Variants in MAP2K5 observed in about 807,000 individuals in gnomAD.
MAP2K5 encodes the protein dual specificity mitogen-activated protein kinase kinase 5.
In MAP2K5, 49 loss-of-function variants were observed where a neutral mutation model predicts 83.1. That is an observed-to-expected ratio of 0.59 (90% CI 0.47 to 0.75). The LOEUF is 0.75. MAP2K5 is among the 30% of genes least tolerant of loss of function. The probability of loss-of-function intolerance (pLI) is 0.00; values close to 1 mark genes in which losing one functional copy is unlikely to be tolerated. For synonymous variants in MAP2K5, 202 were observed against 191.8 expected (o/e 1.05, Z -0.44); for missense variants, 457 against 557.5 (o/e 0.82, Z 1.82).
At chr15:67,787,579 C>T (rs1458649114) in intron 21 of MAP2K5, among the ~76,000 whole-genome samples, 1 of 152,202 alleles carries the variant, frequency 6.6e-6, no homozygotes, top group Non-Finnish European at 1.5e-5. Flanking sequence ...TTTTAATTTT[C>T]AAGCTTATTA....
At chr15:67,582,846 A>G (rs546209679) in intron 4 of MAP2K5, among the ~76,000 whole-genome samples, 22 of 151,902 alleles carry the variant, frequency 1.4e-4, no homozygotes, top group East Asian at 9.7e-4. Context: ...ACACACACAC[A>G]CACACACACT....
rs1346326045 is a variant in MAP2K5, at chr15:67,690,209, G to T, written c.848-2270G>T. ...AACTGAGGGCCCATGATAAGAACTAGATTTGAAAAATAAGACCAAACTATG... is the reference window on the plus strand; with the variant it reads ...AACTGAGGGCCCATGATAAGAACTATATTTGAAAAATAAGACCAAACTATG... On this transcript the variant is annotated intron_variant, in intron 13 of 21. Transcript: ENST00000178640. This position sits in a 1 kb window ranked among gnomAD's most constrained non-coding sequence, Gnocchi z 4.3. Among the ~76,000 whole-genome samples, 1 of 152,178 alleles carries T rather than the reference G, an allele frequency of 6.6e-6. No individual in the cohort carries two copies. Among genetic ancestry groups the T allele is most frequent in the Admixed American group, 6.5e-5 (1 of 15,280 alleles).
rs1167184444 is a variant in MAP2K5, at chr15:67,778,244, A to G, written c.1242+5492A>G. On this transcript the variant is annotated intron_variant, in intron 21 of 21. Transcript: ENST00000178640. The surrounding 1 kb of genome is among the most constrained non-coding windows in gnomAD (Gnocchi z 5.0). ...TTCTGCTTTTCCAAACCTGATTGTA[A>G]TTACATTTTCAGATAGTATGGTTGG... 6.6e-6 allele frequency among the ~76,000 whole-genome samples: 1 copy of G among 152,220 alleles called. No homozygotes were observed. The highest frequency in any genetic ancestry group is 1.5e-5 in the Non-Finnish European group (1 of 68,030).
chr15:67,614,612 G>A (rs2141052078), intron 8 of MAP2K5, among the ~76,000 whole-genome samples: 1 of 152,232 alleles, frequency 6.6e-6, no homozygotes, highest in South Asian at 2.1e-4. Context: ...AGATCAGAAT[G>A]ACTGTAGTTT....
intron 13 of MAP2K5, chr15:67,680,043 TC>T (rs2141182490): frequency 6.6e-6 from 1 of 152,368 alleles, no homozygotes; most frequent in South Asian, 2.1e-4. Context: ...ATTTGCCTTT[TC>T]TGGACATTTT....
chr15:67,715,236 AG>A (rs3837736), intron 16 of MAP2K5, among the ~76,000 whole-genome samples: 20,682 of 131,784 alleles, frequency 0.16, 1,554 homozygotes, highest in East Asian at 0.2. Context: ...TTGGGCGGGG[AG>A]GGGGGGGGTC....
intron 1 of MAP2K5, among the ~76,000 whole-genome samples, chr15:67,547,677 G>C (rs1263471227): frequency 6.6e-6 from 1 of 152,046 alleles, no homozygotes; most frequent in Non-Finnish European, 1.5e-5. Flanking sequence ...GGCTGGTCTT[G>C]AACTCCTGAC....
chr15:67,772,334 C>T (rs1381916743), intron 20 of MAP2K5, among the ~76,000 whole-genome samples: 1 of 152,134 alleles, frequency 6.6e-6, no homozygotes, highest in African/African-American at 2.4e-5. Flanking sequence ...GGTATATTCT[C>T]TAAATATAAG....
At position 67,636,790 on chromosome 15, in the gene MAP2K5, C is replaced by T. The variant is rs188452955; in HGVS notation, c.585+5863C>T. Among the ~76,000 whole-genome samples the T allele has an allele frequency of 4.3e-3, 647 of 152,080 alleles. 4 individuals are homozygous for T. The highest frequency in any genetic ancestry group is 4.3e-3 in the Non-Finnish European group (292 of 67,992). Reference sequence around the variant, plus strand: ...GGTTGAAGGATGCAAAGTATTGTTTCGGGGTGTGTCTGTGAAGGTGTTAAT... The same window carrying T: ...GGTTGAAGGATGCAAAGTATTGTTTTGGGGTGTGTCTGTGAAGGTGTTAAT... On this transcript the variant is annotated intron_variant, in intron 9 of 21. Transcript: ENST00000178640. This position sits in a 1 kb window ranked among gnomAD's most constrained non-coding sequence, Gnocchi z 4.7.
chr15:67,558,084 A>T (rs1456351289), intron 2 of MAP2K5, among the ~76,000 whole-genome samples: 1 of 152,202 alleles, frequency 6.6e-6, no homozygotes, highest in Admixed American at 6.5e-5. Flanking sequence ...TTATGAGAGT[A>T]GTCATTTCTT....
At chr15:67,789,317 G>A (rs568508515) in intron 21 of MAP2K5, among the ~76,000 whole-genome samples, 1 of 152,164 alleles carries the variant, frequency 6.6e-6, no homozygotes, top group Admixed American at 6.5e-5. Flanking sequence ...GTGTCTCTAT[G>A]TATACATCTT....
At chr15:67,571,704 CATTT>C (rs2084950032) in intron 3 of MAP2K5, among the ~76,000 whole-genome samples, 4 of 152,100 alleles carry the variant, frequency 2.6e-5, no homozygotes, top group Admixed American at 1.3e-4. Flanking sequence ...GTTTTTTCCC[CATTT>C]TTACAGCAGA....
intron 12 of MAP2K5, among the ~76,000 whole-genome samples, chr15:67,663,933 A>G (rs1000597226): frequency 1.3e-5 from 2 of 152,184 alleles, no homozygotes; most frequent in East Asian, 3.9e-4. Flanking sequence ...TTTTACACAC[A>G]GAAGTATAGA....
At chr15:67,575,570 G>A (rs1203914554) in intron 3 of MAP2K5, among the ~76,000 whole-genome samples, 1 of 152,232 alleles carries the variant, frequency 6.6e-6, no homozygotes, top group Admixed American at 6.5e-5. Context: ...TACCTATTTA[G>A]GTAAATGTTT....
intron 20 of MAP2K5, among the ~76,000 whole-genome samples, chr15:67,771,935 C>G (rs892062421): frequency 6.6e-6 from 1 of 152,216 alleles, no homozygotes; most frequent in Non-Finnish European, 1.5e-5. Context: ...ATACAGCCAT[C>G]AAGTAGGCAG....
intron 17 of MAP2K5, among the ~76,000 whole-genome samples, chr15:67,743,309 T>A (rs1008917018): frequency 6.6e-6 from 1 of 152,170 alleles, no homozygotes; most frequent in Non-Finnish European, 1.5e-5. Context: ...TCCTGTGACT[T>A]TTTTAGGTCC....
rs2088935059 is a variant in MAP2K5 at position 67,720,577 on chromosome 15, G to T, written c.1045-7339G>T. Among the ~76,000 whole-genome samples the T allele has an allele frequency of 6.6e-6, 1 of 152,252 alleles. No individual in the cohort carries two copies. The highest frequency in any genetic ancestry group is 2.1e-4 in the South Asian group (1 of 4,820). Reference sequence around the variant, plus strand: ...AGTGTCCAGCTGTAGCAGTAGTTTGGTAGCAGGAGAATTAGACGTAAAGGT... The same window carrying T: ...AGTGTCCAGCTGTAGCAGTAGTTTGTTAGCAGGAGAATTAGACGTAAAGGT... On this transcript the variant is annotated intron_variant, in intron 16 of 21. Coordinates refer to ENST00000178640, the MANE Select transcript of MAP2K5 (RefSeq NM_145160.3). The surrounding 1 kb of genome is among the most constrained non-coding windows in gnomAD (Gnocchi z 5.7).
rs1237924274 is a variant in MAP2K5 at position 67,690,211 on chromosome 15, T to C, written c.848-2268T>C. ...CTGAGGGCCCATGATAAGAACTAGA[T>C]TTGAAAAATAAGACCAAACTATGTA... is the stretch of plus-strand genomic sequence containing the variant. On this transcript the variant is annotated intron_variant, in intron 13 of 21. Transcript: ENST00000178640. This position sits in a 1 kb window ranked among gnomAD's most constrained non-coding sequence, Gnocchi z 4.3. Among the ~76,000 whole-genome samples the C allele has an allele frequency of 1.3e-5, 2 of 152,192 alleles. No homozygotes were observed. The highest frequency in any genetic ancestry group is 4.8e-5 in the African/African-American group (2 of 41,458).
intron 17 of MAP2K5, among the ~76,000 whole-genome samples, chr15:67,743,497 C>A (rs1007147366): frequency 1.3e-5 from 2 of 152,202 alleles, no homozygotes; most frequent in Admixed American, 1.3e-4. Flanking sequence ...CTTCACATAT[C>A]AGTTTGCTAA....
Sources: allele counts gnomAD v4.1 joint callset (sites outside exome capture counted in the v4.1 genomes callset), GRCh38; gene constraint gnomAD v4.1.1; non-coding constraint Gnocchi (gnomAD v3.1); transcripts MANE v1.5; gene names NCBI Gene and HGNC (gene_info 2026-07-23, HGNC 2026-07-21).